Variants in HCRTR2 observed in about 807,000 individuals in gnomAD.
HCRTR2 encodes the protein hypocretin receptor 2.
HCRTR2 carries 22 observed loss-of-function variants against 49.0 expected under a neutral mutation model. That is an observed-to-expected ratio of 0.45 (90% CI 0.32 to 0.64). HCRTR2 has a LOEUF of 0.64. Among genes scored for constraint, HCRTR2 ranks in the 30% least tolerant of loss-of-function variants. HCRTR2 has a pLI of 0.04. For synonymous variants in HCRTR2, 236 were observed against 205.3 expected (o/e 1.15, Z -1.28); for missense variants, 491 against 559.4 (o/e 0.88, Z 1.23).
At chr6:55,212,177 G>A (rs1765708708) in intron 1 of HCRTR2, among the ~76,000 whole-genome samples, 1 of 152,184 alleles carries the variant, frequency 6.6e-6, no homozygotes, top group South Asian at 2.1e-4. Context: ...GGTATCTTTA[G>A]AACCCAATTA....
intron 3 of HCRTR2, among the ~76,000 whole-genome samples, chr6:55,258,078 C>T (rs1363950336): frequency 1.3e-5 from 2 of 151,872 alleles, no homozygotes; most frequent in South Asian, 2.1e-4. Context: ...AATGTTAAAC[C>T]TTTGTATATG....
intron 1 of HCRTR2, among the ~76,000 whole-genome samples, chr6:55,230,482 T>C (rs1766093390): frequency 6.6e-6 from 1 of 152,196 alleles, no homozygotes; most frequent in East Asian, 1.9e-4. Flanking sequence ...AAAGAAAATA[T>C]GAGTAAATGG....
chr6:55,147,166 G>A (rs1764590410), intron 1 of HCRTR2, among the ~76,000 whole-genome samples: 2 of 151,860 alleles, frequency 1.3e-5, no homozygotes, highest in African/African-American at 4.8e-5. Flanking sequence ...CTTATATTCA[G>A]TTATTATAAA....
intron 1 of HCRTR2, among the ~76,000 whole-genome samples, chr6:55,231,577 A>T (rs1318456623): frequency 3.3e-5 from 5 of 152,124 alleles, no homozygotes; most frequent in Admixed American, 6.5e-5. Flanking sequence ...GCCTTTCCAA[A>T]TTAGAAGAGA....
At chr6:55,112,366 C>T (rs73438553) in intron 1 of HCRTR2, among the ~76,000 whole-genome samples, 8,694 of 151,526 alleles carry the variant, frequency 0.057, 375 homozygotes, top group African/African-American at 0.11. Flanking sequence ...TGCTGTTTGC[C>T]AGTGATATGA....
chr6:55,231,014 C>A (rs1345083499), intron 1 of HCRTR2, among the ~76,000 whole-genome samples: 1 of 152,106 alleles, frequency 6.6e-6, no homozygotes, highest in Non-Finnish European at 1.5e-5. Context: ...CTCTGATACC[C>A]ATAGGCCCTT....
intron 4 of HCRTR2, among the ~76,000 whole-genome samples, chr6:55,276,733 C>CA (rs1767082788): frequency 1.3e-5 from 2 of 152,080 alleles, no homozygotes; most frequent in African/African-American, 4.8e-5. Flanking sequence ...TGTAAGACCG[C>CA]AAAAAATCCT....
chr6:55,219,119 G>A (rs1378776201), intron 1 of HCRTR2, among the ~76,000 whole-genome samples: 1 of 152,274 alleles, frequency 6.6e-6, no homozygotes, highest in East Asian at 1.9e-4. Flanking sequence ...CCGTGCTCAG[G>A]ACCCAACTTT....
At chr6:55,156,684 T>G (rs1030915466) in intron 1 of HCRTR2, among the ~76,000 whole-genome samples, 13 of 152,024 alleles carry the variant, frequency 8.6e-5, no homozygotes, top group Non-Finnish European at 1.3e-4. Flanking sequence ...CCAGCAGTAT[T>G]TTAAAGGACT....
intron 1 of HCRTR2, among the ~76,000 whole-genome samples, chr6:55,231,299 G>T (rs933819810): frequency 6.6e-6 from 1 of 152,100 alleles, no homozygotes; most frequent in Admixed American, 6.5e-5. Flanking sequence ...TTTTTATTAA[G>T]TTTAAGTTAC....
intron 1 of HCRTR2, among the ~76,000 whole-genome samples, chr6:55,130,079 G>A (rs1764332972): frequency 6.6e-6 from 1 of 151,928 alleles, no homozygotes. Context: ...CCTCAGGTAA[G>A]CATTAATCCC....
At chr6:55,179,743 G>T (rs373494533) in intron 1 of HCRTR2, among the ~76,000 whole-genome samples, 4 of 152,112 alleles carry the variant, frequency 2.6e-5, no homozygotes, top group Admixed American at 1.3e-4. Flanking sequence ...TGTCTTGATT[G>T]TAGTAGTGCC....
chr6:55,216,740 C>T (rs144145510), intron 1 of HCRTR2, among the ~76,000 whole-genome samples: 1 of 152,176 alleles, frequency 6.6e-6, no homozygotes, highest in African/African-American at 2.4e-5. Context: ...GTGCCTGCAG[C>T]TTTCCCAGGT....
intron 1 of HCRTR2, among the ~76,000 whole-genome samples, chr6:55,158,446 G>C (rs184587992): frequency 6.6e-6 from 1 of 152,200 alleles, no homozygotes; most frequent in African/African-American, 2.4e-5. Flanking sequence ...TGGAATGCCA[G>C]TGAGACAGAA....
chr6:55,193,040 G>A (rs1562002208), intron 1 of HCRTR2, among the ~76,000 whole-genome samples: 1 of 152,150 alleles, frequency 6.6e-6, no homozygotes, highest in Admixed American at 6.5e-5. Flanking sequence ...ATCTGGGGGT[G>A]TCCTACTATT....
rs565104538 is a variant in HCRTR2 at position 55,282,305 on chromosome 6, A to T, written c.1186A>T (p.Arg396Trp). ...VHHRQEDRLT[R>W]GRTSTESRKS... is the part of the protein sequence containing the mutation. Reference sequence around the variant, plus strand: ...CCATCGCCAGGAGGATCGGCTCACCAGGGGACGAACTAGCACAGAGAGCCG... The same window carrying T: ...CCATCGCCAGGAGGATCGGCTCACCTGGGGACGAACTAGCACAGAGAGCCG... The change falls in exon 7 of 7, where the codon AGG (arginine) becomes TGG (tryptophan). Residue 396 changes from arginine (R) to tryptophan (W), a missense_variant. Coordinates refer to ENST00000370862, the MANE Select transcript of HCRTR2 (RefSeq NM_001384272.1). The T allele has an allele frequency of 6.2e-7, 1 of 1,613,726 alleles. No individual in the cohort carries two copies.
At chr6:55,145,058 C>G (rs1242887395) in intron 1 of HCRTR2, among the ~76,000 whole-genome samples, 1 of 152,122 alleles carries the variant, frequency 6.6e-6, no homozygotes, top group East Asian at 1.9e-4. Context: ...TTTTACCGCC[C>G]TTCCCAGTCA....
chr6:55,179,419 A>G (rs1038859788), intron 1 of HCRTR2, among the ~76,000 whole-genome samples: 2 of 152,202 alleles, frequency 1.3e-5, no homozygotes, highest in Non-Finnish European at 2.9e-5. Flanking sequence ...GCTAATCTGA[A>G]TAAGAATTAA....
chr6:55,156,928 C>T (rs997449325), intron 1 of HCRTR2, among the ~76,000 whole-genome samples: 5 of 152,058 alleles, frequency 3.3e-5, no homozygotes, highest in African/African-American at 9.7e-5. Flanking sequence ...CAGCTAACAT[C>T]ATATTTAATG....
Sources: gnomAD v4.1 joint callset for allele counts (sites outside exome capture counted in the v4.1 genomes callset) on GRCh38, gnomAD v4.1.1 for gene constraint, MANE v1.5 for transcripts, NCBI Gene and HGNC (gene_info 2026-07-23, HGNC 2026-07-21) for gene names.